The following INSR variants were observed in gnomAD, a reference collection of about 807,000 sequenced individuals.
INSR encodes IR.
INSR carries 67 observed loss-of-function variants against 142.6 expected under a neutral mutation model. That is an observed-to-expected ratio of 0.47 (90% confidence interval 0.39 to 0.58). The LOEUF is 0.58. INSR is among the 20% of genes least tolerant of loss of function. The pLI is 0.00. For missense variants in INSR, 1,248 were observed against 1,833.2 expected (o/e 0.68, Z 5.83); for synonymous variants, 756 against 743.1 (o/e 1.02, Z -0.28).
At chr19:7,135,825 G>A (rs968563315) in intron 13 of INSR, among the ~76,000 whole-genome samples, 3 of 151,826 alleles carry the variant, frequency 2.0e-5, no homozygotes, top group South Asian at 4.2e-4. Context: ...AAAATTAGCC[G>A]GGCGAGGTCG....
At chr19:7,255,603 G>T (rs1976864865) in intron 2 of INSR, among the ~76,000 whole-genome samples, 1 of 148,022 alleles carries the variant, frequency 6.8e-6, no homozygotes, top group East Asian at 2.0e-4. Context: ...TTTGAGACAG[G>T]GTCTCACTCT....
intron 1 of INSR, among the ~76,000 whole-genome samples, chr19:7,276,392 G>A (rs548799321): frequency 4.6e-5 from 7 of 152,104 alleles, no homozygotes; most frequent in South Asian, 2.1e-4. Context: ...GCAGTCCTGC[G>A]TCGGCCTCCC....
chr19:7,180,646 G>A (rs1974251235), intron 3 of INSR, among the ~76,000 whole-genome samples: 1 of 151,966 alleles, frequency 6.6e-6, no homozygotes, highest in African/African-American at 2.4e-5. Context: ...TTGCCAAGGA[G>A]GTGACTTTTA....
rs563318155 is a variant in INSR at position 7,175,083 on chromosome 19, A to G, written c.975-352T>C. On this transcript the variant is annotated intron_variant, in intron 3 of 21. Transcript: ENST00000302850. ...GGTCTCAAACTCCTGACCTCAAGTG[A>G]TCCACCCGCCTCGGCCTCCCAAAGT... Among the ~76,000 whole-genome samples, 19 of 152,068 alleles carry G rather than the reference A, an allele frequency of 1.2e-4. No individual in the cohort carries two copies. The East Asian group carries it at 1.6e-3, about 12-fold the overall frequency.
chr19:7,135,535 G>A (rs1972900423), intron 13 of INSR, among the ~76,000 whole-genome samples: 1 of 151,094 alleles, frequency 6.6e-6, no homozygotes. Context: ...AAATTATCTG[G>A]GCATGGTGGC....
chr19:7,143,612 G>C (rs1973124512), intron 11 of INSR, among the ~76,000 whole-genome samples: 2 of 152,174 alleles, frequency 1.3e-5, no homozygotes, highest in Non-Finnish European at 2.9e-5. Flanking sequence ...GCAATTCTTA[G>C]AAAAGGAATC....
chr19:7,251,208 C>A (rs993032723), intron 2 of INSR, among the ~76,000 whole-genome samples: 3 of 151,872 alleles, frequency 2.0e-5, no homozygotes. Context: ...AAAAAAATCA[C>A]CCTCAGTTCA....
At position 7,117,430 on chromosome 19, in the gene INSR, G is replaced by A. The variant is rs372300430; in HGVS notation, c.3795-20C>T. On this transcript the variant is annotated intron_variant, in intron 21 of 21. Coordinates refer to ENST00000302850, the MANE Select transcript of INSR (RefSeq NM_000208.4). ...TCAGTGCTGCGGGGCAGAAGGACACGTCCTGGGTGAGTCTGGGGGCCCTGC... is the reference window on the plus strand; with the variant it reads ...TCAGTGCTGCGGGGCAGAAGGACACATCCTGGGTGAGTCTGGGGGCCCTGC... The A allele has an allele frequency of 6.9e-6, 11 of 1,589,160 alleles. No homozygotes were observed. The highest frequency in any genetic ancestry group is 1.7e-4 in the Middle Eastern group (1 of 5,980).
intron 2 of INSR, among the ~76,000 whole-genome samples, chr19:7,221,186 C>T (rs116622192): frequency 6.6e-5 from 10 of 151,646 alleles, no homozygotes; most frequent in African/African-American, 2.4e-4. Flanking sequence ...CTAACCTGGC[C>T]AACGTGGCGA....
intron 2 of INSR, among the ~76,000 whole-genome samples, chr19:7,257,898 T>G (rs1976945230): frequency 6.6e-6 from 1 of 152,052 alleles, no homozygotes; most frequent in Non-Finnish European, 1.5e-5. Flanking sequence ...TCTCCACTCA[T>G]TGCAACTTCC....
chr19:7,197,905 G>A (rs1369638412), intron 2 of INSR, among the ~76,000 whole-genome samples: 2 of 127,392 alleles, frequency 1.6e-5, no homozygotes, highest in Non-Finnish European at 3.3e-5. Context: ...GGATTGGTCG[G>A]TTCCAGAGTG....
At chr19:7,153,904 T>C (rs1039180729) in intron 9 of INSR, among the ~76,000 whole-genome samples, 9 of 152,124 alleles carry the variant, frequency 5.9e-5, no homozygotes, top group African/African-American at 2.2e-4. Flanking sequence ...CTCACACCTG[T>C]AATCCCAGCA....
At position 7,192,210 on chromosome 19, in the gene INSR, GGA is replaced by G. The variant is rs1974617716; in HGVS notation, c.653-7575_653-7574del. 8.1e-6 allele frequency among the ~76,000 whole-genome samples: 1 copy of G among 123,908 alleles called. No individual in the cohort carries two copies. Among genetic ancestry groups the G allele is most frequent in the Admixed American group, 8.8e-5 (1 of 11,382 alleles). 81.3% of individuals were successfully genotyped at this position (123,908 alleles called of 152,430 possible). ...GAAAAAAGAAAGAAAAAGAAAGAAAGGAGAAAGAAAAGAAAGAGAAAGAAGGA... is the reference window on the plus strand; with the variant it reads ...GAAAAAAGAAAGAAAAAGAAAGAAAGGAAAGAAAAGAAAGAGAAAGAAGGA... On this transcript the variant is annotated intron_variant, in intron 2 of 21. Coordinates refer to ENST00000302850, the MANE Select transcript of INSR (RefSeq NM_000208.4). This position sits in a 1 kb window ranked among gnomAD's most constrained non-coding sequence, Gnocchi z 4.2.
chr19:7,122,834 G>A (rs753549030), intron 18 of INSR, 45 bp downstream of exon 18: 18 of 1,610,816 alleles, frequency 1.1e-5, no homozygotes, highest in Non-Finnish European at 1.4e-5. Context: ...GGCCAGGAGC[G>A]GGTGCTCCAC....
chr19:7,163,012 G>T lies in INSR; in HGVS notation c.2029+20C>A, dbSNP rs759814767. 2.5e-6 allele frequency: 4 copies of T among 1,612,464 alleles called. No homozygotes were observed. The African/African-American group carries it at 5.3e-5, about 22-fold the overall frequency. ...ACGTGTGCAAACCCCACCGATCCTA[G>T]CACAGCTGCCTGCACTCACCTTTGA... On this transcript the variant is annotated intron_variant, in intron 9 of 21. Transcript: ENST00000302850.
chr19:7,138,016 T>A (rs1453249287), intron 13 of INSR, among the ~76,000 whole-genome samples: 1 of 147,804 alleles, frequency 6.8e-6, no homozygotes, highest in East Asian at 2.1e-4. Context: ...CAGGCTGGAG[T>A]GCAGTGGCGT....
At chr19:7,265,698 G>A (rs1413700201) in intron 2 of INSR, among the ~76,000 whole-genome samples, 1 of 147,826 alleles carries the variant, frequency 6.8e-6, no homozygotes, top group Non-Finnish European at 1.5e-5. Flanking sequence ...TTGCACCATC[G>A]CACTCCAGTC....
rs540155432 is a variant in INSR at position 7,150,198 on chromosome 19, T to G, written c.2267+299A>C. Among the ~76,000 whole-genome samples the G allele has an allele frequency of 1.7e-4, 26 of 152,116 alleles. No individual in the cohort carries two copies. In the South Asian group the frequency reaches 5.4e-3, roughly 32 times the overall value. ...AATGCACGCGGGAGGTGCAGAGATG[T>G]TTAGTGAGCAAACAGTGGCTGCAAA... On this transcript the variant is annotated intron_variant, in intron 11 of 21. Coordinates refer to ENST00000302850, the MANE Select transcript of INSR (RefSeq NM_000208.4). The surrounding 1 kb of genome is among the most constrained non-coding windows in gnomAD (Gnocchi z 4.2).
intron 12 of INSR, among the ~76,000 whole-genome samples, chr19:7,142,434 C>G (rs1973093894): frequency 1.4e-5 from 2 of 146,530 alleles, no homozygotes; most frequent in African/African-American, 5.1e-5. Flanking sequence ...GGTGCTCATG[C>G]CTGTAATCCC....
Sources: allele counts gnomAD v4.1 joint callset (sites outside exome capture counted in the v4.1 genomes callset), GRCh38; gene constraint gnomAD v4.1.1; non-coding constraint Gnocchi (gnomAD v3.1); transcripts MANE v1.5; gene names NCBI Gene and HGNC (gene_info 2026-07-23, HGNC 2026-07-21).